Variants in PRDM16 observed in about 807,000 individuals in gnomAD.
PRDM16 encodes histone-lysine N-methyltransferase PRDM16.
PRDM16 carries 23 observed loss-of-function variants against 110.6 expected under a neutral mutation model. That is an observed-to-expected ratio of 0.21 (90% CI 0.15 to 0.29). PRDM16 has a LOEUF of 0.29. Among genes scored for constraint, PRDM16 ranks in the 10% least tolerant of loss-of-function variants. The probability of loss-of-function intolerance (pLI) is 1.00; values close to 1 mark genes in which losing one functional copy is unlikely to be tolerated. For synonymous variants in PRDM16, 799 were observed against 781.8 expected, an observed-to-expected ratio of 1.02 and a Z score of -0.37; for missense variants, 1,615 against 1,794.3, an observed-to-expected ratio of 0.90 and a Z score of 1.81.
intron 2 of PRDM16, among the ~76,000 whole-genome samples, chr1:3,199,048 C>T (rs977131851): frequency 6.6e-6 from 1 of 152,148 alleles, no homozygotes; most frequent in Non-Finnish European, 1.5e-5. Context: ...TAGAAGCGGC[C>T]TTGTTTCCCT....
intron 3 of PRDM16, among the ~76,000 whole-genome samples, chr1:3,305,846 C>T (rs1313269804): frequency 6.6e-6 from 1 of 152,242 alleles, no homozygotes; most frequent in African/African-American, 2.4e-5. Context: ...CCGGGTGATG[C>T]CCGTGCTGCT....
At chr1:3,137,398 G>A (rs1445898517) in intron 1 of PRDM16, among the ~76,000 whole-genome samples, 1 of 152,256 alleles carries the variant, frequency 6.6e-6, no homozygotes, top group Non-Finnish European at 1.5e-5. Flanking sequence ...GTGTGAGAGA[G>A]AGAGGCTAGG....
chr1:3,250,852 C>T (rs959399799), intron 3 of PRDM16, among the ~76,000 whole-genome samples: 4 of 152,152 alleles, frequency 2.6e-5, no homozygotes, highest in Non-Finnish European at 5.9e-5. Context: ...TCCTGGGAAG[C>T]CTGCGAGGGT....
intron 2 of PRDM16, among the ~76,000 whole-genome samples, chr1:3,227,343 C>A (rs895750289): frequency 6.6e-6 from 1 of 152,270 alleles, no homozygotes; most frequent in Non-Finnish European, 1.5e-5. Flanking sequence ...GGGACAGGAA[C>A]CAGAGTCCTG....
intron 3 of PRDM16, among the ~76,000 whole-genome samples, chr1:3,317,505 A>C (rs1456115888): frequency 1.3e-5 from 2 of 151,936 alleles, no homozygotes; most frequent in African/African-American, 4.8e-5. Flanking sequence ...AGGTCTGGGG[A>C]TCTTTGGGTT....
intron 10 of PRDM16, among the ~76,000 whole-genome samples, chr1:3,416,792 C>A (rs537922448): frequency 6.6e-6 from 1 of 152,216 alleles, no homozygotes; most frequent in East Asian, 1.9e-4. Context: ...GTGTGTGGTG[C>A]CGAGGCCCGG....
chr1:3,181,218 G>GGTCTTACACA (rs1644165748), intron 1 of PRDM16, among the ~76,000 whole-genome samples: 2 of 50,424 alleles, frequency 4.0e-5, no homozygotes, highest in African/African-American at 5.8e-5. Context: ...TCTTACACAC[G>GGTCTTACACA]CAGTCTTACA....
intron 5 of PRDM16, among the ~76,000 whole-genome samples, chr1:3,402,207 G>C (rs979384005): frequency 6.6e-6 from 1 of 152,176 alleles, no homozygotes; most frequent in African/African-American, 2.4e-5. Context: ...GGGGTCTCCC[G>C]TCTTAGGTGG....
intron 1 of PRDM16, among the ~76,000 whole-genome samples, chr1:3,075,275 G>A (rs938987403): frequency 1.3e-5 from 2 of 152,244 alleles, no homozygotes; most frequent in African/African-American, 4.8e-5. Context: ...AACTATTTCT[G>A]TCCATGAAAA....
intron 1 of PRDM16, among the ~76,000 whole-genome samples, chr1:3,167,547 G>A (rs988705899): frequency 2.6e-5 from 4 of 151,772 alleles, no homozygotes; most frequent in Admixed American, 6.6e-5. Context: ...TCCTCCCAGC[G>A]CCTCTGTGGC....
intron 3 of PRDM16, among the ~76,000 whole-genome samples, chr1:3,315,643 G>C (rs542748345): frequency 1.4e-3 from 206 of 152,264 alleles, no homozygotes; most frequent in African/African-American, 4.5e-3. Context: ...GAGCGCTTTT[G>C]TCTTTTACAT....
At position 3,435,972 on chromosome 1, in the gene PRDM16, C is replaced by T; in HGVS notation, c.*2161C>T. 4.3e-6 allele frequency: 1 copy of T among 231,232 alleles called. No homozygotes were observed. Among genetic ancestry groups the T allele is most frequent in the East Asian group, 6.1e-5 (1 of 16,322 alleles). The allele number at this position is 231,232 out of a possible 1,614,324, so 14.3% of individuals were successfully genotyped here. On this transcript the variant is annotated 3_prime_UTR_variant, in exon 17 of 17. Coordinates refer to ENST00000270722, the MANE Select transcript of PRDM16 (RefSeq NM_022114.4). ...AGCGGGGGAGCTGCCTGCAGAAGAG[C>T]CAGCTGGCGTGTCGGGAAGGATCCA... is the stretch of plus-strand genomic sequence containing the variant.
chr1:3,279,206 T>C (rs538265890), intron 3 of PRDM16, among the ~76,000 whole-genome samples: 348 of 152,262 alleles, frequency 2.3e-3, no homozygotes, highest in Non-Finnish European at 4.1e-3. Context: ...ACCGGCGGCC[T>C]CTCCTGCCCA....
intron 2 of PRDM16, among the ~76,000 whole-genome samples, chr1:3,189,970 G>C (rs994585598): frequency 5.3e-5 from 8 of 152,242 alleles, no homozygotes; most frequent in Admixed American, 4.6e-4. Context: ...AATAAAATGA[G>C]AAGGTCCAAT....
intron 1 of PRDM16, among the ~76,000 whole-genome samples, chr1:3,126,939 G>GCTGGGAGGCCCCTCGAGC (rs1643221604): frequency 6.6e-6 from 1 of 152,236 alleles, no homozygotes; most frequent in South Asian, 2.1e-4. Context: ...TCTGGACTCA[G>GCTGGGAGGCCCCTCGAGC]CTGGGAGGCC....
At chr1:3,116,626 G>C (rs1027682961) in intron 1 of PRDM16, among the ~76,000 whole-genome samples, 1 of 152,148 alleles carries the variant, frequency 6.6e-6, no homozygotes, top group African/African-American at 2.4e-5. Flanking sequence ...CCGCAGCTCC[G>C]GCTCTGATGG....
At chr1:3,114,185 GCACA>G (rs58141966) in intron 1 of PRDM16, among the ~76,000 whole-genome samples, 89 of 80,390 alleles carry the variant, frequency 1.1e-3, no homozygotes, top group Admixed American at 4.0e-3. Flanking sequence ...GCACACACAC[GCACA>G]CACGCACACG....
intron 8 of PRDM16, among the ~76,000 whole-genome samples, chr1:3,410,928 G>A (rs952064036): frequency 6.6e-6 from 1 of 152,218 alleles, no homozygotes; most frequent in Admixed American, 6.5e-5. Flanking sequence ...GGGTAGGAGG[G>A]TGGAAACAGC....
chr1:3,272,077 C>G (rs373989248), intron 3 of PRDM16, among the ~76,000 whole-genome samples: 1 of 152,176 alleles, frequency 6.6e-6, no homozygotes, highest in Non-Finnish European at 1.5e-5. Flanking sequence ...CAAGAACTTC[C>G]GGTGCTTGCA....
Sources: gnomAD v4.1 joint callset for allele counts (sites outside exome capture counted in the v4.1 genomes callset) on GRCh38, gnomAD v4.1.1 for gene constraint, MANE v1.5 for transcripts, NCBI Gene and HGNC (gene_info 2026-07-23, HGNC 2026-07-21) for gene names.